Variants in PBX1 observed in about 807,000 individuals in gnomAD.
The protein encoded by PBX1 is pre-B-cell leukemia transcription factor 1.
A neutral mutation model predicts 53.4 loss-of-function variants in PBX1; 6 were observed. The observed-to-expected ratio is 0.11, with a 90% CI of 0.06 to 0.22. The LOEUF is 0.22. Ranked by LOEUF, PBX1 falls within the 10% of genes least tolerant of loss-of-function variation. PBX1 has a pLI of 1.00. For missense variants in PBX1, 251 were observed against 551.4 expected (o/e 0.46, Z 5.46); for synonymous variants, 204 against 212.3 (o/e 0.96, Z 0.34).
rs368692339 is a variant in PBX1, at chr1:164,610,051, G to A, written c.265+46740G>A. ...GTGCACATTCACGATGCCCTCTGTC[G>A]AAGGGCCCCACCTTCCATGCCTGCG... On this transcript the variant is annotated intron_variant, in intron 2 of 8. Transcript: ENST00000420696. Among the ~76,000 whole-genome samples the A allele has an allele frequency of 6.6e-5, 10 of 152,220 alleles. No individual in the cohort carries two copies. In the East Asian group the frequency reaches 9.7e-4, roughly 15 times the overall value.
At chr1:164,636,585 G>A (rs1658796027) in intron 2 of PBX1, among the ~76,000 whole-genome samples, 1 of 152,056 alleles carries the variant, frequency 6.6e-6, no homozygotes, top group Non-Finnish European at 1.5e-5. Flanking sequence ...TGAGTACTAA[G>A]GTCACATTGA....
At chr1:164,707,333 G>A (rs1008361807) in intron 2 of PBX1, among the ~76,000 whole-genome samples, 2 of 151,424 alleles carry the variant, frequency 1.3e-5, no homozygotes, top group African/African-American at 4.9e-5. Flanking sequence ...CAGGGGTAGG[G>A]CAAATCTAGA....
At chr1:164,630,765 A>T (rs1001475789) in intron 2 of PBX1, among the ~76,000 whole-genome samples, 3 of 152,198 alleles carry the variant, frequency 2.0e-5, no homozygotes, top group Non-Finnish European at 4.4e-5. Flanking sequence ...CATTGCCCCT[A>T]CCAGGTACTT....
chr1:164,683,360 T>C (rs1302526908), intron 2 of PBX1: 1 of 152,224 alleles, frequency 6.6e-6, no homozygotes, highest in East Asian at 1.9e-4. Flanking sequence ...CTCTCTGATT[T>C]CAAGCCCAGC....
chr1:164,721,619 C>T (rs1412582355), intron 2 of PBX1, among the ~76,000 whole-genome samples: 1 of 152,176 alleles, frequency 6.6e-6, no homozygotes, highest in African/African-American at 2.4e-5. Context: ...TTCTCATTTG[C>T]TGTCATTGGT....
At chr1:164,842,392 G>A (rs1470160936) in intron 8 of PBX1, among the ~76,000 whole-genome samples, 2 of 152,136 alleles carry the variant, frequency 1.3e-5, no homozygotes, top group African/African-American at 2.4e-5. Context: ...AAAATTTGGT[G>A]TATATCAAAT....
At chr1:164,716,685 TACACACACACACACACAC>T (rs375539653) in intron 2 of PBX1, among the ~76,000 whole-genome samples, 6 of 115,856 alleles carry the variant, frequency 5.2e-5, no homozygotes, top group South Asian at 3.9e-4. Context: ...ATGTCATCTC[TACACACACACACACACAC>T]ACACACACAC....
At chr1:164,863,630 T>G (rs1304362549) in intron 2 of PBX1, among the ~76,000 whole-genome samples, 1 of 152,210 alleles carries the variant, frequency 6.6e-6, no homozygotes, top group East Asian at 1.9e-4. Context: ...AACAATGTCT[T>G]CTTGAGAAGT....
At chr1:164,861,704 T>C (rs1672102557) in intron 2 of PBX1, among the ~76,000 whole-genome samples, 1 of 151,792 alleles carries the variant, frequency 6.6e-6, no homozygotes, top group African/African-American at 2.4e-5. Context: ...AGTTCTGGAG[T>C]AAATCAAGGT....
intron 2 of PBX1, among the ~76,000 whole-genome samples, chr1:164,876,915 C>G (rs932387579): frequency 3.3e-5 from 5 of 152,166 alleles, no homozygotes; most frequent in Admixed American, 2.6e-4. Flanking sequence ...GGCCCCCTGC[C>G]GTGCACCTAA....
At chr1:164,649,278 A>T (rs1659644562) in intron 2 of PBX1, among the ~76,000 whole-genome samples, 1 of 152,202 alleles carries the variant, frequency 6.6e-6, no homozygotes, top group Non-Finnish European at 1.5e-5. Flanking sequence ...TGTAAAACAC[A>T]TCTAAAGCAC....
chr1:164,765,752 T>G (rs543783327), intron 2 of PBX1, among the ~76,000 whole-genome samples: 10 of 152,272 alleles, frequency 6.6e-5, no homozygotes, highest in Admixed American at 4.6e-4. Context: ...GAATTTAACT[T>G]AGGTCTGTCT....
chr1:164,638,180 T>A (rs564267161), intron 2 of PBX1, among the ~76,000 whole-genome samples: 1 of 152,228 alleles, frequency 6.6e-6, no homozygotes, highest in Non-Finnish European at 1.5e-5. Flanking sequence ...ATGGACATAA[T>A]CATGCTGCCT....
chr1:164,767,060 G>A (rs1667097352), intron 2 of PBX1, among the ~76,000 whole-genome samples: 1 of 151,822 alleles, frequency 6.6e-6, no homozygotes, highest in African/African-American at 2.4e-5. Flanking sequence ...ACATTTTCAG[G>A]AAGTGTCATA....
intron 8 of PBX1, among the ~76,000 whole-genome samples, chr1:164,825,885 T>C (rs1298702369): frequency 6.6e-6 from 1 of 151,494 alleles, no homozygotes; most frequent in Non-Finnish European, 1.5e-5. Flanking sequence ...TAGTATTGTT[T>C]GTGGGATAGC....
intron 2 of PBX1, among the ~76,000 whole-genome samples, chr1:164,870,262 C>CTTCTTTCT (rs1672327643): frequency 1.5e-5 from 1 of 64,574 alleles, no homozygotes. Flanking sequence ...TCCTTCCTTC[C>CTTCTTTCT]TTCCTTCTTT....
intron 2 of PBX1, among the ~76,000 whole-genome samples, chr1:164,612,767 CT>C (rs1344431194): frequency 6.6e-6 from 1 of 152,140 alleles, no homozygotes; most frequent in African/African-American, 2.4e-5. Context: ...TCCCTCTCCC[CT>C]TCTGGAGGTG....
At chr1:164,690,688 TACTC>T in intron 2 of PBX1, among the ~76,000 whole-genome samples, 4 of 152,154 alleles carry the variant, frequency 2.6e-5, no homozygotes, top group Admixed American at 2.6e-4. Flanking sequence ...GCAGAGCTAA[TACTC>T]TACTACCAGT....
intron 2 of PBX1, chr1:164,684,386 C>T (rs1463634765): frequency 6.6e-6 from 1 of 152,110 alleles, no homozygotes; most frequent in Non-Finnish European, 1.5e-5. Flanking sequence ...ATTATGAATT[C>T]TGAAAAACTG....
Sources: allele counts gnomAD v4.1 joint callset (sites outside exome capture counted in the v4.1 genomes callset), GRCh38; gene constraint gnomAD v4.1.1; transcripts MANE v1.5; gene names NCBI Gene and HGNC (gene_info 2026-07-23, HGNC 2026-07-21).